Variants in LRP1B observed in about 807,000 individuals in gnomAD.
The protein encoded by LRP1B is low-density lipoprotein receptor-related protein 1B.
LRP1B carries 217 observed loss-of-function variants against 556.6 expected under a neutral mutation model. The ratio of observed to expected loss-of-function variants is 0.39; its 90% confidence interval spans 0.35 to 0.44. The LOEUF is 0.44. LRP1B is among the 20% of genes least tolerant of loss of function. The pLI, the probability that LRP1B is intolerant of heterozygous loss-of-function variation, is 1.00. For synonymous variants in LRP1B, 2,047 were observed against 1,865.8 expected, an observed-to-expected ratio of 1.10 and a Z score of -2.50; for missense variants, 5,053 against 5,620.8, an observed-to-expected ratio of 0.90 and a Z score of 3.23.
At chr2:141,007,406 A>G (rs1328247023) in intron 14 of LRP1B, among the ~76,000 whole-genome samples, 1 of 151,878 alleles carries the variant, frequency 6.6e-6, no homozygotes, top group East Asian at 1.9e-4. Context: ...TAACAAATTA[A>G]AAAATACATA....
intron 3 of LRP1B, among the ~76,000 whole-genome samples, chr2:141,334,887 A>T (rs1043263522): frequency 3.3e-5 from 5 of 152,158 alleles, no homozygotes; most frequent in African/African-American, 9.7e-5. Flanking sequence ...ACAGAAAGAA[A>T]TCAAGCTTAC....
At chr2:140,552,987 G>A (rs1463017293) in intron 43 of LRP1B, among the ~76,000 whole-genome samples, 1 of 152,028 alleles carries the variant, frequency 6.6e-6, no homozygotes, top group African/African-American at 2.4e-5. Flanking sequence ...AAATAAACCT[G>A]AATGTAAAAA....
At chr2:141,620,109 T>G (rs993035236) in intron 2 of LRP1B, among the ~76,000 whole-genome samples, 1 of 152,190 alleles carries the variant, frequency 6.6e-6, no homozygotes, top group Non-Finnish European at 1.5e-5. Flanking sequence ...GATGCCACCA[T>G]GCCCAGCTAT....
chr2:141,664,800 A>G (rs938744717), intron 2 of LRP1B, among the ~76,000 whole-genome samples: 1 of 152,200 alleles, frequency 6.6e-6, no homozygotes, highest in East Asian at 1.9e-4. Flanking sequence ...TACAGATTCA[A>G]TGCTATTTCC....
At chr2:141,583,457 G>C (rs367837636) in intron 2 of LRP1B, among the ~76,000 whole-genome samples, 1 of 151,918 alleles carries the variant, frequency 6.6e-6, no homozygotes, top group African/African-American at 2.4e-5. Context: ...GGTAGAACAA[G>C]CAGGAAATGA....
At chr2:140,248,601 T>C (rs965128314) in intron 86 of LRP1B, among the ~76,000 whole-genome samples, 3 of 151,206 alleles carry the variant, frequency 2.0e-5, no homozygotes, top group Non-Finnish European at 4.4e-5. Context: ...ATTAATAGAG[T>C]TAGGTAATGA....
chr2:141,275,351 C>T (rs1328607075), intron 3 of LRP1B, among the ~76,000 whole-genome samples: 2 of 152,088 alleles, frequency 1.3e-5, no homozygotes, highest in East Asian at 3.9e-4. Flanking sequence ...GAATTCTAAG[C>T]AAACAAAATA....
intron 2 of LRP1B, among the ~76,000 whole-genome samples, chr2:141,709,418 T>C (rs1442148257): frequency 7.0e-6 from 1 of 141,994 alleles, no homozygotes; most frequent in African/African-American, 2.8e-5. Context: ...GAATGTGCTC[T>C]GGGCCAGACT....
chr2:142,114,784 G>A (rs1158479918), intron 1 of LRP1B, among the ~76,000 whole-genome samples: 1 of 151,972 alleles, frequency 6.6e-6, no homozygotes, highest in Non-Finnish European at 1.5e-5. Context: ...AAGAGTAGCT[G>A]GTTAATGATT....
At chr2:141,741,055 C>G (rs1054273063) in intron 2 of LRP1B, among the ~76,000 whole-genome samples, 2 of 152,098 alleles carry the variant, frequency 1.3e-5, no homozygotes, top group Middle Eastern at 3.4e-3. Context: ...TTCACTTAAC[C>G]TAATAATTGC....
chr2:141,249,365 G>A (rs933751558), intron 4 of LRP1B, among the ~76,000 whole-genome samples: 4 of 152,194 alleles, frequency 2.6e-5, no homozygotes, highest in African/African-American at 4.8e-5. Flanking sequence ...GGTAGGCCAA[G>A]GCGGGCAGAT....
intron 41 of LRP1B, among the ~76,000 whole-genome samples, chr2:140,629,224 T>TG (rs1683789889): frequency 7.9e-6 from 1 of 127,360 alleles, no homozygotes; most frequent in African/African-American, 3.0e-5. Flanking sequence ...CAGCTAATTC[T>TG]TTTTTTTTTT....
At chr2:141,587,653 G>A (rs1163136676) in intron 2 of LRP1B, among the ~76,000 whole-genome samples, 2 of 151,734 alleles carry the variant, frequency 1.3e-5, no homozygotes, top group South Asian at 2.1e-4. Flanking sequence ...CTCCTTTCAG[G>A]GTAATTTATT....
chr2:140,700,511 C>T lies in LRP1B; in HGVS notation c.6538G>A (p.Val2180Ile), dbSNP rs2105421353. 1 of 1,613,530 alleles carries T rather than the reference C, an allele frequency of 6.2e-7. No individual in the cohort carries two copies. Among genetic ancestry groups the T allele is most frequent in the Non-Finnish European group, 8.5e-7 (1 of 1,179,688 alleles). Reference sequence around the variant, plus strand: ...TAGCCTTCATGCCTCAGGCAAGTAACTCCATCTTCTGCCAAATATCCATGG... The same window carrying T: ...TAGCCTTCATGCCTCAGGCAAGTAATTCCATCTTCTGCCAAATATCCATGG... ...CAHGYLAEDG[V>I]TCLRHEGYLL... Residue 2180 changes from valine (V) to isoleucine (I), a missense_variant, in exon 41 of 91, where the codon GTT becomes ATT. By Grantham distance (29) the Val-to-Ile change is conservative (BLOSUM62 3). This residue lies in a region of LRP1B where 3,619 missense variants were observed against 3,931.9 expected (regional missense o/e 0.92). Coordinates refer to ENST00000389484, the MANE Select transcript of LRP1B (RefSeq NM_018557.3).
At chr2:140,371,510 A>G (rs1001686826) in intron 69 of LRP1B, among the ~76,000 whole-genome samples, 2 of 151,684 alleles carry the variant, frequency 1.3e-5, no homozygotes, top group Non-Finnish European at 2.9e-5. Flanking sequence ...TCATGATGCA[A>G]TAACCTGTGC....
intron 84 of LRP1B, among the ~76,000 whole-genome samples, chr2:140,289,224 A>G (rs763762647): frequency 2.0e-5 from 3 of 151,986 alleles, no homozygotes; most frequent in Non-Finnish European, 4.4e-5. Context: ...GTGAAAAATA[A>G]TGGTATGCTT....
At chr2:141,887,986 T>G (rs1699176858) in intron 1 of LRP1B, among the ~76,000 whole-genome samples, 2 of 152,334 alleles carry the variant, frequency 1.3e-5, no homozygotes, top group South Asian at 4.1e-4. Context: ...TCTTACCACC[T>G]TCCTATCTCT....
In LRP1B at chr2:140,274,495, C is replaced by T. The variant is rs976500100; in HGVS notation, c.13071G>A (p.Glu4357=). The T allele has an allele frequency of 6.2e-7, 1 of 1,612,702 alleles. No individual in the cohort carries two copies. The highest frequency in any genetic ancestry group is 2.2e-5 in the East Asian group (1 of 44,798). The part of the protein sequence containing the change: ...CPTRYEGPKC[E]VDKCVRCHGG... ...CATGGCACCTTACACACTTGTCAAC[C>T]TCACATTTTGGTCCTTCATAGCGCG... is the stretch of plus-strand genomic sequence containing the variant. The change falls in exon 85 of 91, where the codon GAG becomes GAA. Residue 4357 remains glutamate (E), a synonymous_variant. Coordinates refer to ENST00000389484, the MANE Select transcript of LRP1B (RefSeq NM_018557.3).
intron 1 of LRP1B, among the ~76,000 whole-genome samples, chr2:141,859,958 C>T (rs1414321955): frequency 6.6e-6 from 1 of 152,028 alleles, no homozygotes; most frequent in African/African-American, 2.4e-5. Flanking sequence ...AATTTATATC[C>T]AAATGGCAAG....
Sources: allele counts gnomAD v4.1 joint callset (sites outside exome capture counted in the v4.1 genomes callset), GRCh38; gene constraint gnomAD v4.1.1; regional missense constraint gnomAD v4.1.1; transcripts MANE v1.5; gene names NCBI Gene and HGNC (gene_info 2026-07-23, HGNC 2026-07-21).